The following MMP26 variants were observed in gnomAD, a reference collection of about 807,000 sequenced individuals.
MMP26 encodes matrix metallopeptidase 26.
MMP26 carries 33 observed loss-of-function variants against 31.0 expected under a neutral mutation model. The observed-to-expected ratio is 1.06, with a 90% CI of 0.81 to 1.42. MMP26 has a LOEUF of 1.42. MMP26 is among the 40% of genes most tolerant of loss of function. The pLI is 0.00. For synonymous variants in MMP26, 122 were observed against 114.9 expected (o/e 1.06, Z -0.40); for missense variants, 347 against 316.1 (o/e 1.10, Z -0.74).
chr11:4,768,917 G>T, intron 2 of MMP26: 1 of 1,113,338 alleles, frequency 9.0e-7, no homozygotes, highest in Non-Finnish European at 1.2e-6. Flanking sequence ...AAGAGAGCAA[G>T]TTCGCTTTTC....
At chr11:4,742,438 AG>A (rs1443813258) in intron 1 of MMP26, among the ~76,000 whole-genome samples, 2 of 152,076 alleles carry the variant, frequency 1.3e-5, no homozygotes, top group Non-Finnish European at 2.9e-5. Context: ...CGTGGGCATG[AG>A]GGGAGGGGTA....
At chr11:4,728,148 C>T (rs574753902) in intron 1 of MMP26, among the ~76,000 whole-genome samples, 34 of 152,206 alleles carry the variant, frequency 2.2e-4, no homozygotes, top group East Asian at 7.7e-4. Flanking sequence ...AATAAAGATG[C>T]TAGTCACAAT....
At chr11:4,831,568 T>C (rs1259631579) in intron 2 of MMP26, among the ~76,000 whole-genome samples, 1 of 152,226 alleles carries the variant, frequency 6.6e-6, no homozygotes, top group Non-Finnish European at 1.5e-5. Context: ...CCACATGTTG[T>C]ACAAAACAGG....
intron 6 of MMP26, 106 bp downstream of exon 6, chr11:4,991,602 T>C: frequency 1.4e-6 from 2 of 1,403,074 alleles, no homozygotes; most frequent in Non-Finnish European, 1.9e-6. Context: ...AGGTGGAAGA[T>C]TTGGCTGAGG....
chr11:4,779,258 A>G (rs1848827758), intron 2 of MMP26, among the ~76,000 whole-genome samples: 1 of 152,042 alleles, frequency 6.6e-6, no homozygotes, highest in African/African-American at 2.4e-5. Context: ...TTTCTGGTTT[A>G]CTAAGTTACC....
In MMP26 at chr11:4,912,202, A is replaced by G. The variant is rs575274557; in HGVS notation, c.-144-75866A>G. 7.2e-5 allele frequency among the ~76,000 whole-genome samples: 11 copies of G among 152,358 alleles called. No homozygotes were observed. The East Asian group carries it at 1.9e-3, about 27-fold the overall frequency. The stretch of plus-strand genomic sequence containing the variant: ...TACATATATGATATGTCTAAATTGC[A>G]CAGACAGCCTTGTGGGGTAGACATT... On this transcript the variant is annotated intron_variant, in intron 2 of 7. Coordinates refer to ENST00000380390, the MANE Select transcript of MMP26 (RefSeq NM_021801.5).
chr11:4,820,908 C>T (rs1255788706), intron 2 of MMP26, among the ~76,000 whole-genome samples: 1 of 152,032 alleles, frequency 6.6e-6, no homozygotes, highest in East Asian at 1.9e-4. Flanking sequence ...TTTTTTTGGG[C>T]CACCCTATTA....
intron 2 of MMP26, among the ~76,000 whole-genome samples, chr11:4,921,297 G>T (rs370777866): frequency 2.0e-5 from 3 of 152,210 alleles, no homozygotes; most frequent in East Asian, 1.9e-4. Context: ...TGGGGCCTCA[G>T]TCTAGCAAAG....
At chr11:4,760,811 A>G (rs1342557453) in intron 1 of MMP26, among the ~76,000 whole-genome samples, 1 of 152,208 alleles carries the variant, frequency 6.6e-6, no homozygotes, top group Non-Finnish European at 1.5e-5. Context: ...TAAGAGACAC[A>G]ATAGAATAAA....
intron 2 of MMP26, chr11:4,907,220 G>A (rs766455673): frequency 8.9e-6 from 5 of 559,820 alleles, no homozygotes; most frequent in Non-Finnish European, 1.6e-5. Flanking sequence ...AAATTTTGAA[G>A]AGTGCAGTTG....
intron 2 of MMP26, among the ~76,000 whole-genome samples, chr11:4,898,357 T>C (rs553059719): frequency 2.4e-4 from 37 of 152,212 alleles, no homozygotes; most frequent in African/African-American, 8.9e-4. Flanking sequence ...TTTTCTTTGG[T>C]TTTCAGGATT....
intron 2 of MMP26, among the ~76,000 whole-genome samples, chr11:4,920,769 A>G (rs748324775): frequency 6.6e-6 from 1 of 152,164 alleles, no homozygotes; most frequent in Non-Finnish European, 1.5e-5. Context: ...AATTTTACCT[A>G]TATTTATGGT....
At position 4,714,932 on chromosome 11, in the gene MMP26, A is replaced by T. The variant is rs1331014139; in HGVS notation, c.-217+9887A>T. ...CTCTCTCTCTCTCTCACACACACAC[A>T]CACACACACACACACACACACACAC... On this transcript the variant is annotated intron_variant, in intron 1 of 7. Transcript: ENST00000380390. Among the ~76,000 whole-genome samples, 46 of 151,138 alleles carry T rather than the reference A, an allele frequency of 3.0e-4. 3 individuals carry two copies. Among genetic ancestry groups the T allele is most frequent in the African/African-American group, 8.8e-4 (36 of 40,906 alleles).
chr11:4,866,707 A>G (rs1850239630), intron 2 of MMP26, among the ~76,000 whole-genome samples: 1 of 152,198 alleles, frequency 6.6e-6, no homozygotes, highest in Admixed American at 6.5e-5. Context: ...CAGTAACCAA[A>G]ACAGCATGGT....
chr11:4,725,644 G>C (rs1330342933), intron 1 of MMP26, among the ~76,000 whole-genome samples: 1 of 152,186 alleles, frequency 6.6e-6, no homozygotes, highest in Admixed American at 6.5e-5. Flanking sequence ...GACCACTTTA[G>C]AGAAAGCTGT....
chr11:4,808,748 C>G (rs1849311102), intron 2 of MMP26, among the ~76,000 whole-genome samples: 1 of 135,916 alleles, frequency 7.4e-6, no homozygotes, highest in Admixed American at 7.9e-5. Flanking sequence ...TGCTTTTCTG[C>G]TCTCAGATTT....
intron 1 of MMP26, among the ~76,000 whole-genome samples, chr11:4,748,896 C>A (rs958914801): frequency 2.0e-5 from 3 of 152,004 alleles, no homozygotes; most frequent in Non-Finnish European, 4.4e-5. Flanking sequence ...GGCAAGGATG[C>A]CTACTTTCAC....
chr11:4,804,048 A>C (rs1849226722), intron 2 of MMP26: 10 of 1,613,912 alleles, frequency 6.2e-6, no homozygotes, highest in Non-Finnish European at 8.5e-6. Context: ...ACTCCACAGA[A>C]GAAAAGGCAT....
chr11:4,777,770 T>C (rs998150784), intron 2 of MMP26, among the ~76,000 whole-genome samples: 1 of 152,084 alleles, frequency 6.6e-6, no homozygotes, highest in Non-Finnish European at 1.5e-5. Context: ...TGTATAGTTA[T>C]AGTTCTTTGC....
Sources: gnomAD v4.1 joint callset for allele counts (sites outside exome capture counted in the v4.1 genomes callset) on GRCh38, gnomAD v4.1.1 for gene constraint, MANE v1.5 for transcripts, NCBI Gene and HGNC (gene_info 2026-07-23, HGNC 2026-07-21) for gene names.